Variants in CAMTA1 observed in about 807,000 individuals in gnomAD.
The protein encoded by CAMTA1 is calmodulin-binding transcription activator 1.
In CAMTA1, 27 loss-of-function variants were observed where a neutral mutation model predicts 170.9. The ratio of observed to expected loss-of-function variants is 0.16; its 90% CI spans 0.12 to 0.22. The LOEUF (loss-of-function observed/expected upper bound fraction) is 0.22, where lower values mean the gene tolerates loss of function less well. Ranked by LOEUF, CAMTA1 falls within the 10% of genes least tolerant of loss-of-function variation. The pLI, the probability that CAMTA1 is intolerant of heterozygous loss-of-function variation, is 1.00. For synonymous variants in CAMTA1, 833 were observed against 891.5 expected (o/e 0.93, Z 1.17); for missense variants, 1,619 against 2,217.2 (o/e 0.73, Z 5.42).
At chr1:7,270,645 G>A (rs926303211) in intron 5 of CAMTA1, among the ~76,000 whole-genome samples, 4 of 152,046 alleles carry the variant, frequency 2.6e-5, no homozygotes, top group Admixed American at 2.6e-4. Flanking sequence ...AATGTTACAG[G>A]ATGAAAATTC....
At chr1:7,134,379 T>G (rs1450692524) in intron 4 of CAMTA1, among the ~76,000 whole-genome samples, 1 of 152,132 alleles carries the variant, frequency 6.6e-6, no homozygotes, top group Non-Finnish European at 1.5e-5. Flanking sequence ...ACTTCAGCCT[T>G]GACTTCTTGG....
intron 4 of CAMTA1, among the ~76,000 whole-genome samples, chr1:7,245,217 C>A (rs981574176): frequency 3.4e-5 from 5 of 147,284 alleles, no homozygotes; most frequent in South Asian, 2.3e-4. Context: ...ATATATATAT[C>A]ACACACACAC....
intron 1 of CAMTA1, among the ~76,000 whole-genome samples, chr1:6,791,336 C>T (rs1237136812): frequency 6.6e-6 from 1 of 152,154 alleles, no homozygotes; most frequent in African/African-American, 2.4e-5. Context: ...GGCATTGCTT[C>T]TTGTTTCCCT....
chr1:6,927,012 T>A (rs1412998509), intron 3 of CAMTA1, among the ~76,000 whole-genome samples: 3 of 152,208 alleles, frequency 2.0e-5, no homozygotes, highest in East Asian at 3.9e-4. Flanking sequence ...TCTCCCAAAG[T>A]GCTAGTAATG....
At chr1:7,312,590 A>C (rs1416183897) in intron 5 of CAMTA1, among the ~76,000 whole-genome samples, 2 of 152,188 alleles carry the variant, frequency 1.3e-5, no homozygotes, top group Non-Finnish European at 2.9e-5. Flanking sequence ...CAGGTTTTAT[A>C]GCTGCATTCA....
At position 7,182,504 on chromosome 1, in the gene CAMTA1, A is replaced by AC. The variant is rs1006150632; in HGVS notation, c.303-66987_303-66986insC. Among the ~76,000 whole-genome samples the AC allele has an allele frequency of 4.9e-5, 7 of 144,066 alleles. 1 individual carries two copies. The highest frequency in any genetic ancestry group is 4.5e-4 in the South Asian group (2 of 4,446). The allele number at this position is 144,066 out of a possible 152,430, so 94.5% of individuals were successfully genotyped here. A position where few individuals can be genotyped will look rare whatever the true frequency, so the allele number is the denominator to read the frequency against. ...GTGAACACCCCATCTCAGAAAAAAA[A>AC]AAAAAAAAACACTAGAAGAAAACAT... On this transcript the variant is annotated intron_variant, in intron 4 of 22. Coordinates refer to ENST00000303635, the MANE Select transcript of CAMTA1 (RefSeq NM_015215.4).
In CAMTA1 at chr1:7,248,920, T is replaced by A. The variant is rs138510841; in HGVS notation, c.303-571T>A. 2.1e-4 allele frequency among the ~76,000 whole-genome samples: 32 copies of A among 152,298 alleles called. 1 individual carries two copies. Among genetic ancestry groups the A allele is most frequent in the African/African-American group, 7.7e-4 (32 of 41,572 alleles). ...GGAAAGAATCGGGTACTTAGCTTGC[T>A]TGAGAAGCAAGACCGCAGATGCTCT... On this transcript the variant is annotated intron_variant, in intron 4 of 22. Transcript: ENST00000303635. This position sits in a 1 kb window ranked among gnomAD's most constrained non-coding sequence, Gnocchi z 4.0.
intron 6 of CAMTA1, among the ~76,000 whole-genome samples, chr1:7,493,063 G>GCA (rs142846730): frequency 0.27 from 20,852 of 77,790 alleles, 3,038 homozygotes; most frequent in East Asian, 0.67. Flanking sequence ...ACACACGCGC[G>GCA]CACACACACA....
At chr1:7,098,942 C>T (rs936179435) in intron 4 of CAMTA1, among the ~76,000 whole-genome samples, 1 of 152,252 alleles carries the variant, frequency 6.6e-6, no homozygotes, top group Non-Finnish European at 1.5e-5. Flanking sequence ...AGTGCAAGTT[C>T]CCGGTGTCCT....
In CAMTA1 at chr1:7,265,874, G is replaced by A. The variant is rs74055303; in HGVS notation, c.438+16248G>A. 6.0e-3 allele frequency among the ~76,000 whole-genome samples: 906 copies of A among 152,220 alleles called. 12 individuals are homozygous for A. Among genetic ancestry groups the A allele is most frequent in the Admixed American group, 0.032 (489 of 15,280 alleles). ...ACTCTGATTCTTCCACTGGTCCTGC[G>A]TCAGGCTCTGACTCATAATGAGAAA... On this transcript the variant is annotated intron_variant, in intron 5 of 22. Transcript: ENST00000303635.
intron 4 of CAMTA1, among the ~76,000 whole-genome samples, chr1:7,145,758 C>T (rs539173047): frequency 1.3e-5 from 2 of 152,330 alleles, no homozygotes; most frequent in Admixed American, 6.5e-5. Context: ...CCGTGTCTCC[C>T]GAAAGCACAG....
intron 11 of CAMTA1, among the ~76,000 whole-genome samples, chr1:7,720,016 A>T (rs2096638734): frequency 6.6e-6 from 1 of 152,210 alleles, no homozygotes; most frequent in Admixed American, 6.5e-5. Flanking sequence ...TTCTTCATTC[A>T]CTTACCTGCC....
At chr1:7,656,090 T>G (rs780776496) in intron 7 of CAMTA1, among the ~76,000 whole-genome samples, 1 of 152,252 alleles carries the variant, frequency 6.6e-6, no homozygotes, top group East Asian at 1.9e-4. Flanking sequence ...CAGCTTGATA[T>G]TGGACTTCCC....
At chr1:7,385,621 C>T (rs2087868739) in intron 5 of CAMTA1, among the ~76,000 whole-genome samples, 1 of 152,118 alleles carries the variant, frequency 6.6e-6, no homozygotes, top group South Asian at 2.1e-4. Flanking sequence ...TGGAGAGCAG[C>T]AAACACCAGG....
rs187307818 is a variant in CAMTA1 at position 7,473,895 on chromosome 1, C to T, written c.510+5994C>T. 1.1e-3 allele frequency among the ~76,000 whole-genome samples: 162 copies of T among 152,358 alleles called. 1 individual carries two copies. The highest frequency in any genetic ancestry group is 0.01 in the Admixed American group (159 of 15,302). On this transcript the variant is annotated intron_variant, in intron 6 of 22. Transcript: ENST00000303635. Reference sequence around the variant, plus strand: ...TCTCTGAGCCGACTGCCTCTGGCTCCCCAGGAAGGGTCCTCAGGATGTGTC... The same window carrying T: ...TCTCTGAGCCGACTGCCTCTGGCTCTCCAGGAAGGGTCCTCAGGATGTGTC...
chr1:7,699,591 CA>C (rs1334288185), intron 11 of CAMTA1, among the ~76,000 whole-genome samples: 3 of 152,164 alleles, frequency 2.0e-5, no homozygotes, highest in African/African-American at 7.2e-5. Flanking sequence ...GAAGAACTGC[CA>C]GACTGTTTTC....
chr1:7,239,329 T>C (rs558570269), intron 4 of CAMTA1, among the ~76,000 whole-genome samples: 7 of 152,324 alleles, frequency 4.6e-5, no homozygotes, highest in South Asian at 2.1e-4. Flanking sequence ...CATTTTACAG[T>C]TTGTTTGGCT....
At chr1:6,897,827 C>G (rs976559971) in intron 3 of CAMTA1, among the ~76,000 whole-genome samples, 2 of 152,222 alleles carry the variant, frequency 1.3e-5, no homozygotes, top group Admixed American at 1.3e-4. Context: ...GGAAAAGTAT[C>G]CACTTACTAT....
chr1:7,481,018 C>A (rs1218384004), intron 6 of CAMTA1, among the ~76,000 whole-genome samples: 4 of 152,130 alleles, frequency 2.6e-5, no homozygotes, highest in South Asian at 4.1e-4. Context: ...CTCAAGCCAA[C>A]CCTCCATTAT....
Sources: allele counts gnomAD v4.1 joint callset (sites outside exome capture counted in the v4.1 genomes callset), GRCh38; gene constraint gnomAD v4.1.1; non-coding constraint Gnocchi (gnomAD v3.1); transcripts MANE v1.5; gene names NCBI Gene and HGNC (gene_info 2026-07-23, HGNC 2026-07-21).